MSRA: variants seen among roughly 807,000 people sequenced by gnomAD.
MSRA encodes mitochondrial peptide methionine sulfoxide reductase.
Under a neutral mutation model 31.3 loss-of-function variants are expected in MSRA, and 54 were observed. That is an observed-to-expected ratio of 1.73 (90% CI 1.39 to 2.17). The LOEUF (loss-of-function observed/expected upper bound fraction) is 2.17. Ranked by LOEUF, MSRA falls within the 30% of genes most tolerant of loss-of-function variation. The pLI is 0.00. For missense variants in MSRA, 507 were observed against 300.9 expected (o/e 1.69, Z -5.07); for synonymous variants, 169 against 116.5 (o/e 1.45, Z -2.90).
chr8:10,266,002 C>T (rs920415649), intron 3 of MSRA, among the ~76,000 whole-genome samples: 2 of 152,268 alleles, frequency 1.3e-5, no homozygotes, highest in East Asian at 3.9e-4. Context: ...TGCTGATGAA[C>T]AGTCAGGTTG....
intron 1 of MSRA, among the ~76,000 whole-genome samples, chr8:10,101,298 G>A (rs748205354): frequency 1.1e-4 from 16 of 152,036 alleles, no homozygotes; most frequent in Non-Finnish European, 1.5e-4. Context: ...ATAGTGTCTG[G>A]TATGTAGTAA....
In MSRA at chr8:10,184,022, G is replaced by A. The variant is rs564011366; in HGVS notation, c.143-23811G>A. ...GCTACTAGGTGGTGGTGGTGTTGGT[G>A]GTGTTGGTCTTGGTGGTGTTCGTGA... On this transcript the variant is annotated intron_variant, in intron 1 of 5. Coordinates refer to ENST00000317173, the MANE Select transcript of MSRA (RefSeq NM_012331.5). Among the ~76,000 whole-genome samples, 46 of 128,220 alleles carry A rather than the reference G, an allele frequency of 3.6e-4. 1 individual carries two copies. Among genetic ancestry groups the A allele is most frequent in the African/African-American group, 1.1e-3 (40 of 35,124 alleles). 84.1% of individuals were successfully genotyped at this position (128,220 alleles called of 152,430 possible). A position where few individuals can be genotyped will look rare whatever the true frequency, so the allele number is the denominator to read the frequency against.
chr8:10,188,426 C>G (rs1166229605), intron 1 of MSRA, among the ~76,000 whole-genome samples: 1 of 152,120 alleles, frequency 6.6e-6, no homozygotes, highest in African/African-American at 2.4e-5. Flanking sequence ...AAAATAGCAA[C>G]AAAAACAGAG....
At chr8:10,408,815 A>C (rs554349019) in intron 5 of MSRA, among the ~76,000 whole-genome samples, 1 of 146,596 alleles carries the variant, frequency 6.8e-6, no homozygotes, top group South Asian at 2.1e-4. Context: ...TAGAACATGC[A>C]GTAGTTGACC....
At chr8:10,230,661 T>G (rs1811383516) in intron 2 of MSRA, among the ~76,000 whole-genome samples, 2 of 152,232 alleles carry the variant, frequency 1.3e-5, no homozygotes, top group Non-Finnish European at 2.9e-5. Context: ...TACATACTTC[T>G]TATAGAAATT....
At chr8:10,099,000 C>T (rs1799360560) in intron 1 of MSRA, among the ~76,000 whole-genome samples, 1 of 152,158 alleles carries the variant, frequency 6.6e-6, no homozygotes, top group Admixed American at 6.5e-5. Flanking sequence ...CATCCTGAGG[C>T]CAGCATGGCC....
At chr8:10,306,180 C>T (rs1437076177) in intron 4 of MSRA, among the ~76,000 whole-genome samples, 2 of 152,090 alleles carry the variant, frequency 1.3e-5, no homozygotes, top group East Asian at 1.9e-4. Flanking sequence ...TGGCCCCTTC[C>T]CAACCACATG....
intron 5 of MSRA, among the ~76,000 whole-genome samples, chr8:10,393,222 A>G (rs1806876453): frequency 6.6e-6 from 1 of 152,158 alleles, no homozygotes. Flanking sequence ...GTGTAAGAAG[A>G]AGAGACGAGC....
At chr8:10,186,193 G>A (rs935920896) in intron 1 of MSRA, among the ~76,000 whole-genome samples, 1 of 152,106 alleles carries the variant, frequency 6.6e-6, no homozygotes, top group African/African-American at 2.4e-5. Flanking sequence ...ACTGAAAGAG[G>A]TGCTTCCTTG....
intron 1 of MSRA, among the ~76,000 whole-genome samples, chr8:10,171,917 A>G (rs1318652405): frequency 6.6e-6 from 1 of 152,230 alleles, no homozygotes; most frequent in African/African-American, 2.4e-5. Context: ...CTCTTAATAG[A>G]TGAGAGAATG....
At chr8:10,239,565 A>G (rs913741980) in intron 2 of MSRA, among the ~76,000 whole-genome samples, 9 of 152,250 alleles carry the variant, frequency 5.9e-5, no homozygotes, top group Non-Finnish European at 1.0e-4. Context: ...CACTGCTTAT[A>G]GGACGATTGT....
chr8:10,067,743 A>C (rs116770008), intron 1 of MSRA, among the ~76,000 whole-genome samples: 110 of 152,124 alleles, frequency 7.2e-4, no homozygotes, highest in African/African-American at 2.6e-3. Flanking sequence ...TCATTGTTTT[A>C]ATTTGCAATT....
chr8:10,204,870 G>T (rs1261569119), intron 1 of MSRA, among the ~76,000 whole-genome samples: 1 of 152,234 alleles, frequency 6.6e-6, no homozygotes, highest in Non-Finnish European at 1.5e-5. Flanking sequence ...GAAATGGGGA[G>T]TCAGAGAGCT....
In MSRA at chr8:10,164,458, A is replaced by C. The variant is rs1267301861; in HGVS notation, c.143-43375A>C. Among the ~76,000 whole-genome samples, 3 of 152,108 alleles carry C rather than the reference A, an allele frequency of 2.0e-5. 1 individual carries two copies. The highest frequency in any genetic ancestry group is 1.3e-4 in the Admixed American group (2 of 15,272). On this transcript the variant is annotated intron_variant, in intron 1 of 5. Transcript: ENST00000317173. ...CCCTCGTTAGCTTCCTGAGCTTTTT[A>C]GAAGTTTTAGGCTGTGCTGGTTTTG...
intron 1 of MSRA, among the ~76,000 whole-genome samples, chr8:10,204,897 C>G (rs1808815622): frequency 6.6e-6 from 1 of 152,216 alleles, no homozygotes; most frequent in African/African-American, 2.4e-5. Context: ...CCTGCCCTCC[C>G]TGAGCTTGCA....
intron 1 of MSRA, among the ~76,000 whole-genome samples, chr8:10,102,073 C>G (rs76625119): frequency 6.6e-6 from 1 of 152,058 alleles, no homozygotes; most frequent in East Asian, 1.9e-4. Flanking sequence ...TTGCTGTGTC[C>G]TTAGTTTTCA....
At chr8:10,320,280 C>A (rs1801974197) in intron 5 of MSRA, 2 of 209,720 alleles carry the variant, frequency 9.5e-6, no homozygotes, top group Non-Finnish European at 1.9e-5. Flanking sequence ...CCAGCCTGGG[C>A]AACATGAAGA....
At chr8:10,323,849 A>G (rs574835961) in intron 5 of MSRA, among the ~76,000 whole-genome samples, 1 of 152,038 alleles carries the variant, frequency 6.6e-6, no homozygotes, top group Non-Finnish European at 1.5e-5. Context: ...TATTTTTTAA[A>G]TAAAGATTGG....
At chr8:10,350,061 T>C (rs1171820857) in intron 5 of MSRA, among the ~76,000 whole-genome samples, 1 of 152,264 alleles carries the variant, frequency 6.6e-6, no homozygotes, top group Admixed American at 6.5e-5. Context: ...CCTCGGATTG[T>C]ACTTGAAACT....
Sources: allele counts gnomAD v4.1 joint callset (sites outside exome capture counted in the v4.1 genomes callset), GRCh38; gene constraint gnomAD v4.1.1; transcripts MANE v1.5; gene names NCBI Gene and HGNC (gene_info 2026-07-23, HGNC 2026-07-21).